The following VIRMA variants were observed in gnomAD, a reference collection of about 807,000 sequenced individuals.
The protein encoded by VIRMA is vir like m6A methyltransferase associated.
A neutral mutation model predicts 182.4 loss-of-function variants in VIRMA; 65 were observed. That is an observed-to-expected ratio of 0.36 (90% CI 0.29 to 0.44). The LOEUF is 0.44. VIRMA is among the 20% of genes least tolerant of loss of function. The probability of loss-of-function intolerance (pLI) is 1.00; values close to 1 mark genes in which losing one functional copy is unlikely to be tolerated. For missense variants in VIRMA, 1,752 were observed against 2,158.1 expected, an observed-to-expected ratio of 0.81 and a Z score of 3.73; for synonymous variants, 709 against 743.1, an observed-to-expected ratio of 0.95 and a Z score of 0.75.
At chr8:94,515,089 C>T (rs3098714) in intron 10 of VIRMA, 138 bp from the exon 11 acceptor site, 128,359 of 429,942 alleles carry the variant, frequency 0.3, 20,686 homozygotes, top group South Asian at 0.45. Flanking sequence ...GATGGACATG[C>T]ATCTAATTCT....
At chr8:94,527,403 C>A in intron 7 of VIRMA, 40 bp from the exon 8 acceptor site, 1 of 1,193,632 alleles carries the variant, frequency 8.4e-7, no homozygotes, top group South Asian at 1.6e-5. Context: ...ATTACATCAT[C>A]TTTGTCTAAT....
chr8:94,497,310 C>A (rs1813814122), intron 17 of VIRMA: 1 of 152,164 alleles, frequency 6.6e-6, no homozygotes, highest in Admixed American at 6.6e-5. Context: ...CACTATGTTA[C>A]CTAGGCTAAT....
chr8:94,499,078 C>CTAAAA (rs149423796), intron 17 of VIRMA: 23,717 of 166,652 alleles, frequency 0.14, 2,137 homozygotes, highest in South Asian at 0.27. Context: ...GAGACTCTAT[C>CTAAAA]TAAAATAAAA....
rs1354137131 is a variant in VIRMA at position 94,490,036 on chromosome 8, A to G, written c.5187T>C (p.Ala1729=). 6.2e-7 allele frequency: 1 copy of G among 1,614,146 alleles called. No homozygotes were observed. Among genetic ancestry groups the G allele is most frequent in the South Asian group, 1.1e-5 (1 of 91,076 alleles). Residue 1729 remains alanine, a synonymous_variant, in exon 23 of 24, where the codon GCT becomes GCC. Transcript: ENST00000297591. ...REGTRGSSWS[A]QNTPRGNYNE... Reference sequence around the variant, plus strand: ...TGTAATTTCCTCGAGGAGTATTCTGAGCACTCCAACTGGAGCCTCTTGTTC... The same window carrying G: ...TGTAATTTCCTCGAGGAGTATTCTGGGCACTCCAACTGGAGCCTCTTGTTC...
At position 94,543,816 on chromosome 8, in the gene VIRMA, A is replaced by G. The variant is rs904834434; in HGVS notation, c.179+11T>C. 15 of 1,398,418 alleles carry G rather than the reference A, an allele frequency of 1.1e-5. No homozygotes were observed. Among genetic ancestry groups the G allele is most frequent in the Non-Finnish European group, 1.5e-5 (15 of 1,002,798 alleles). 86.6% of individuals were successfully genotyped at this position (1,398,418 alleles called of 1,614,324 possible). The stretch of plus-strand genomic sequence containing the variant: ...AACCAAAAAATACTTTTAAAAAGAG[A>G]GTTGACTTACCCATATGCTCTATTG... On this transcript the variant is annotated intron_variant, in intron 2 of 23. Coordinates refer to ENST00000297591, the MANE Select transcript of VIRMA (RefSeq NM_015496.5).
rs753679635 is a variant in VIRMA at position 94,499,672 on chromosome 8, G to A, written c.4098-166C>T. On this transcript the variant is annotated intron_variant, in intron 16 of 23. Coordinates refer to ENST00000297591, the MANE Select transcript of VIRMA (RefSeq NM_015496.5). ...TTGTACACAAATATAACAAAGAACC[G>A]TCAATAGTTACCAACTCCTTTTAAA... 1.2e-4 allele frequency among the ~76,000 whole-genome samples: 19 copies of A among 152,116 alleles called. 1 individual carries two copies. The East Asian group carries it at 1.3e-3, about 11-fold the overall frequency.
At position 94,494,927 on chromosome 8, in the gene VIRMA, T is replaced by A; in HGVS notation, c.4574A>T (p.Asp1525Val). The A allele has an allele frequency of 6.2e-7, 1 of 1,611,248 alleles. No homozygotes were observed. Among genetic ancestry groups the A allele is most frequent in the South Asian group, 1.1e-5 (1 of 90,958 alleles). ...GAACCACATAGATTTCAACTGATCA[T>A]CCATGACATCAGCAAGCACATAGGC... is the stretch of plus-strand genomic sequence containing the variant. ...RTAYVLADVM[D>V]DQLKSMWFTP... Residue 1525 changes from aspartate (D) to valine (V), a missense_variant, in exon 20 of 24, where the codon GAT becomes GTT. Physicochemically the swap from Asp to Val is radical, Grantham distance 152. Around this residue, in one of 11 missense-constraint regions of VIRMA, gnomAD observed 777 missense variants for 920.6 expected, o/e 0.84. Transcript: ENST00000297591.
At chr8:94,515,740 T>C (rs1814537953) in intron 10 of VIRMA, among the ~76,000 whole-genome samples, 1 of 152,122 alleles carries the variant, frequency 6.6e-6, no homozygotes, top group South Asian at 2.1e-4. Context: ...AATTTAGATG[T>C]TTACATGCTT....
intron 2 of VIRMA, among the ~76,000 whole-genome samples, chr8:94,542,706 GAA>G (rs1166912952): frequency 6.6e-6 from 1 of 151,844 alleles, no homozygotes; most frequent in East Asian, 1.9e-4. Context: ...CTTAAACATG[GAA>G]AAAAAGATAT....
At chr8:94,537,750 T>G (rs534293205) in intron 3 of VIRMA, among the ~76,000 whole-genome samples, 15 of 152,210 alleles carry the variant, frequency 9.9e-5, no homozygotes, top group South Asian at 8.3e-4. Context: ...GAATGGTCAT[T>G]TGTTTGCAGA....
chr8:94,522,051 T>C (rs900360555), intron 8 of VIRMA, among the ~76,000 whole-genome samples: 61 of 152,340 alleles, frequency 4.0e-4, no homozygotes, highest in Middle Eastern at 3.4e-3. Flanking sequence ...ATGGTTATGC[T>C]GAACACCTGC....
intron 1 of VIRMA, among the ~76,000 whole-genome samples, chr8:94,548,371 A>G (rs982989771): frequency 1.3e-5 from 2 of 151,158 alleles, no homozygotes; most frequent in Non-Finnish European, 2.9e-5. Context: ...CAACGGGTGT[A>G]TACATTTAAG....
In VIRMA at chr8:94,495,907, G is replaced by C; in HGVS notation, c.4384-16C>G. The C allele has an allele frequency of 6.2e-7, 1 of 1,607,404 alleles. No homozygotes were observed. Among genetic ancestry groups the C allele is most frequent in the Non-Finnish European group, 8.5e-7 (1 of 1,177,328 alleles). On this transcript the variant is annotated splice_polypyrimidine_tract_variant and intron_variant, in intron 18 of 23. Transcript: ENST00000297591. ...TTGAATGTTCCTAGATACAAATAAA[G>C]GCAGAATAAGAAGGTGCAGGTAAAA...
At chr8:94,496,143 C>T (rs1813766271) in intron 18 of VIRMA, 185 bp downstream of exon 18, 4 of 633,746 alleles carry the variant, frequency 6.3e-6, no homozygotes, top group Non-Finnish European at 1.0e-5. Context: ...TCTTCATGTA[C>T]TCCTTAAAAT....
chr8:94,541,233 C>T (rs1445642636), intron 2 of VIRMA, among the ~76,000 whole-genome samples: 2 of 151,602 alleles, frequency 1.3e-5, no homozygotes, highest in Admixed American at 6.6e-5. Context: ...GCAATCCTCC[C>T]GCCTCAGCCT....
At chr8:94,540,078 C>A (rs1168869509) in intron 2 of VIRMA, among the ~76,000 whole-genome samples, 1 of 152,072 alleles carries the variant, frequency 6.6e-6, no homozygotes, top group African/African-American at 2.4e-5. Flanking sequence ...CAAAGACACA[C>A]CATTTGATGC....
chr8:94,511,624 G>C lies in VIRMA; in HGVS notation c.2951C>G (p.Thr984Ser). Residue 984 changes from threonine (T) to serine (S), a missense_variant, in exon 13 of 24, where the codon ACT (threonine) becomes AGT (serine). By Grantham distance (58) the Thr-to-Ser change is moderately conservative. Transcript: ENST00000297591. ...RVLQKLNSIL[T>S]QPWRLHVNMG... The stretch of plus-strand genomic sequence containing the variant: ...GTTGACATGGAGCCTCCAAGGCTGA[G>C]TCAGAATACTGTTCAATTTTTGCAG... The C allele has an allele frequency of 6.2e-7, 1 of 1,614,106 alleles. No homozygotes were observed. The highest frequency in any genetic ancestry group is 8.5e-7 in the Non-Finnish European group (1 of 1,180,006).
intron 4 of VIRMA, among the ~76,000 whole-genome samples, chr8:94,536,051 A>G (rs1014378363): frequency 2.0e-5 from 3 of 152,220 alleles, no homozygotes; most frequent in East Asian, 3.8e-4. Flanking sequence ...AAAGGCCCTG[A>G]CTTCTGAGTT....
intron 8 of VIRMA, among the ~76,000 whole-genome samples, chr8:94,522,352 G>C (rs1814803997): frequency 6.6e-6 from 1 of 152,160 alleles, no homozygotes; most frequent in South Asian, 2.1e-4. Context: ...CTGGAAGCTT[G>C]CAACTGGTTT....
Sources: gnomAD v4.1 joint callset for allele counts (sites outside exome capture counted in the v4.1 genomes callset) on GRCh38, gnomAD v4.1.1 for gene constraint, gnomAD v4.1.1 regional missense constraint, MANE v1.5 for transcripts, NCBI Gene and HGNC (gene_info 2026-07-23, HGNC 2026-07-21) for gene names.